MMP20: variants seen among roughly 807,000 people sequenced by gnomAD.
The protein encoded by MMP20 is matrix metalloproteinase-20.
MMP20 carries 50 observed loss-of-function variants against 51.8 expected under a neutral mutation model. That is an observed-to-expected ratio of 0.97 (90% CI 0.77 to 1.22). MMP20 has a LOEUF of 1.22. Ranked by LOEUF, MMP20 falls within the 50% of genes most tolerant of loss-of-function variation. The pLI is 0.00. For missense variants in MMP20, 663 were observed against 601.4 expected, an observed-to-expected ratio of 1.10 and a Z score of -1.07; for synonymous variants, 244 against 216.2, an observed-to-expected ratio of 1.13 and a Z score of -1.13.
intron 6 of MMP20, among the ~76,000 whole-genome samples, chr11:102,604,768 T>G (rs1859492681): frequency 6.6e-6 from 1 of 152,208 alleles, no homozygotes; most frequent in Non-Finnish European, 1.5e-5. Context: ...TAACATATAA[T>G]ATATAAAGGA....
intron 8 of MMP20, among the ~76,000 whole-genome samples, chr11:102,588,885 C>T (rs931271483): frequency 6.7e-6 from 1 of 150,232 alleles, no homozygotes; most frequent in Non-Finnish European, 1.5e-5. Flanking sequence ...TGAGTCTTTT[C>T]TTTGAGAACT....
At chr11:102,584,590 T>G (rs1003597328) in intron 8 of MMP20, among the ~76,000 whole-genome samples, 1 of 152,214 alleles carries the variant, frequency 6.6e-6, no homozygotes, top group African/African-American at 2.4e-5. Flanking sequence ...TTTACTTTGT[T>G]GATAGTGTAC....
intron 1 of MMP20, among the ~76,000 whole-genome samples, chr11:102,617,760 T>A (rs576852962): frequency 6.6e-6 from 1 of 152,296 alleles, no homozygotes; most frequent in East Asian, 1.9e-4. Context: ...ATAAAGCCCC[T>A]CAGTATATAT....
At position 102,594,675 on chromosome 11, in the gene MMP20, T is replaced by C; in HGVS notation, c.1036A>G (p.Asn346Asp). The C allele has an allele frequency of 1.2e-6, 2 of 1,611,828 alleles. No homozygotes were observed. The highest frequency in any genetic ancestry group is 1.7e-6 in the Non-Finnish European group (2 of 1,179,790). ...ITSSFPQLMS[N>D]VDAAYEVAER... ...GCCACTTCGTAAGCTGCATCCACAT[T>C]GGACATGAGCTGGGGGAAGGAGCTG... Residue 346 changes from asparagine (N) to aspartate (D), a missense_variant, in exon 7 of 10, where the codon AAT becomes GAT. By Grantham distance (23) the Asn-to-Asp change is conservative. Coordinates refer to ENST00000260228, the MANE Select transcript of MMP20 (RefSeq NM_004771.4).
chr11:102,578,390 T>C (rs991010980), intron 9 of MMP20, among the ~76,000 whole-genome samples: 1 of 152,110 alleles, frequency 6.6e-6, no homozygotes, highest in Non-Finnish European at 1.5e-5. Flanking sequence ...TACCACCTCA[T>C]CCTCCCAAAG....
intron 8 of MMP20, among the ~76,000 whole-genome samples, chr11:102,589,502 T>C (rs1269544477): frequency 6.6e-6 from 1 of 152,234 alleles, no homozygotes. Flanking sequence ...CAACATGAGC[T>C]GAATGCTTAT....
intron 1 of MMP20, 137 bp downstream of exon 1, chr11:102,625,057 G>A: frequency 9.0e-7 from 1 of 1,105,374 alleles, no homozygotes; most frequent in Non-Finnish European, 1.3e-6. Context: ...ACAGAAGATA[G>A]CATCAGTTAG....
chr11:102,583,534 A>G (rs1447479640), intron 8 of MMP20: 1 of 152,218 alleles, frequency 6.6e-6, no homozygotes, highest in Non-Finnish European at 1.5e-5. Flanking sequence ...CTATAGGAGC[A>G]ACAGGGTATA....
chr11:102,584,814 TG>T (rs2135929424), intron 8 of MMP20, among the ~76,000 whole-genome samples: 1 of 152,254 alleles, frequency 6.6e-6, no homozygotes, highest in African/African-American at 2.4e-5. Context: ...GTTGAGAGGT[TG>T]GGGTCTAAGT....
chr11:102,580,190 A>G (rs1458942372), intron 8 of MMP20, among the ~76,000 whole-genome samples: 1 of 152,232 alleles, frequency 6.6e-6, no homozygotes, highest in Non-Finnish European at 1.5e-5. Context: ...AGATTGATTA[A>G]TATATCTCTT....
chr11:102,600,218 G>C (rs918868187), intron 6 of MMP20, among the ~76,000 whole-genome samples: 8 of 152,296 alleles, frequency 5.3e-5, no homozygotes, highest in African/African-American at 1.9e-4. Flanking sequence ...TCCATGGTGG[G>C]CTTACCTCAA....
At chr11:102,593,350 G>T in intron 8 of MMP20, 89 bp downstream of exon 8, 3 of 1,435,028 alleles carry the variant, frequency 2.1e-6, no homozygotes, top group Non-Finnish European at 2.9e-6. Context: ...TCGCAAACTT[G>T]CTTTGCATTC....
At chr11:102,596,703 G>A (rs866814258) in intron 6 of MMP20, among the ~76,000 whole-genome samples, 2 of 152,176 alleles carry the variant, frequency 1.3e-5, no homozygotes, top group African/African-American at 2.4e-5. Context: ...GGGCAGAGAC[G>A]GCCCAGCTCA....
At position 102,591,934 on chromosome 11, in the gene MMP20, G is replaced by A. The variant is rs180694361; in HGVS notation, c.1247+1505C>T. 2.0e-5 allele frequency among the ~76,000 whole-genome samples: 3 copies of A among 152,286 alleles called. No homozygotes were observed. In the East Asian group the frequency reaches 5.8e-4, roughly 29 times the overall value. Reference sequence around the variant, plus strand: ...TGGTAGATTAGACCAAAGATCAGGTGATAAATGGGCAAGAGAGACAATGGG... The same window carrying A: ...TGGTAGATTAGACCAAAGATCAGGTAATAAATGGGCAAGAGAGACAATGGG... On this transcript the variant is annotated intron_variant, in intron 8 of 9. Coordinates refer to ENST00000260228, the MANE Select transcript of MMP20 (RefSeq NM_004771.4).
At chr11:102,597,518 T>C (rs538725218) in intron 6 of MMP20, among the ~76,000 whole-genome samples, 29 of 152,144 alleles carry the variant, frequency 1.9e-4, no homozygotes, top group Non-Finnish European at 3.8e-4. Context: ...CTGGTGACAA[T>C]TTTGGTTGTC....
At chr11:102,606,973 TAGC>T in intron 5 of MMP20, 1 of 409,508 alleles carries the variant, frequency 2.4e-6, no homozygotes, top group African/African-American at 2.0e-5. Flanking sequence ...GTAAAGCAGG[TAGC>T]AGAGTGCTTG....
At chr11:102,609,707 A>G (rs1005055753) in intron 4 of MMP20, among the ~76,000 whole-genome samples, 198 bp downstream of exon 4, 5 of 152,220 alleles carry the variant, frequency 3.3e-5, no homozygotes, top group Non-Finnish European at 5.9e-5. Context: ...TATGAAACAG[A>G]TCAGACAAGT....
chr11:102,593,418 T>C lies in MMP20; in HGVS notation c.1247+21A>G, dbSNP rs373856753. The C allele has an allele frequency of 2.2e-5, 35 of 1,609,506 alleles. 1 individual carries two copies. The highest frequency in any genetic ancestry group is 1.0e-4 in the Admixed American group (6 of 59,718). On this transcript the variant is annotated intron_variant, in intron 8 of 9. Coordinates refer to ENST00000260228, the MANE Select transcript of MMP20 (RefSeq NM_004771.4). ...ATTCTCATTAAATAAAGATAGATAG[T>C]AAAAAGGAAAAAAGCCATACCTGTA...
rs35128445 is a variant in MMP20, at chr11:102,577,170, G to GA, written c.*155dup. 1 of 630,830 alleles carries GA rather than the reference G, an allele frequency of 1.6e-6. No homozygotes were observed. Among genetic ancestry groups the GA allele is most frequent in the Non-Finnish European group, 2.8e-6 (1 of 354,922 alleles). 39.1% of individuals were successfully genotyped at this position (630,830 alleles called of 1,614,324 possible). ...ATTGAAATTCTGATTATACAACTATGAAAAAAATTGGAAGTATTATTATTC... is the reference window on the plus strand; with the variant it reads ...ATTGAAATTCTGATTATACAACTATGAAAAAAAATTGGAAGTATTATTATTC... On this transcript the variant is annotated 3_prime_UTR_variant, in exon 10 of 10. Transcript: ENST00000260228.
Sources: allele counts gnomAD v4.1 joint callset (sites outside exome capture counted in the v4.1 genomes callset), GRCh38; gene constraint gnomAD v4.1.1; transcripts MANE v1.5; gene names NCBI Gene and HGNC (gene_info 2026-07-23, HGNC 2026-07-21).